The following ATP10A variants were observed in gnomAD, a reference collection of about 807,000 sequenced individuals.
ATP10A encodes the protein ATPase phospholipid transporting 10A (putative), also known as phospholipid-transporting ATPase VA.
ATP10A carries 111 observed loss-of-function variants against 147.8 expected under a neutral mutation model. The ratio of observed to expected loss-of-function variants is 0.75; its 90% CI spans 0.64 to 0.88. The LOEUF is 0.88. ATP10A is among the 40% of genes least tolerant of loss of function. The probability of loss-of-function intolerance (pLI) is 0.00; values close to 1 mark genes in which losing one functional copy is unlikely to be tolerated. For synonymous variants in ATP10A, 875 were observed against 841.6 expected, an observed-to-expected ratio of 1.04 and a Z score of -0.69; for missense variants, 1,927 against 1,959.0, an observed-to-expected ratio of 0.98 and a Z score of 0.31.
In ATP10A at chr15:25,753,265, C is replaced by T. The variant is rs1888246756; in HGVS notation, c.655-17124G>A. Among the ~76,000 whole-genome samples the T allele has an allele frequency of 2.0e-5, 3 of 152,276 alleles. No individual in the cohort carries two copies. The South Asian group carries it at 6.2e-4, about 32-fold the overall frequency. ...CTTCCTATCTCCCCCATCCCCCAGC[C>T]TCTGTAACCACAGTTCACTCTCAGC... On this transcript the variant is annotated intron_variant, in intron 2 of 20. Coordinates refer to ENST00000555815, the MANE Select transcript of ATP10A (RefSeq NM_024490.4).
At chr15:25,842,672 T>G (rs1410639291) in intron 1 of ATP10A, among the ~76,000 whole-genome samples, 1 of 152,168 alleles carries the variant, frequency 6.6e-6, no homozygotes, top group African/African-American at 2.4e-5. Context: ...GTCATAAACA[T>G]TATCTCTGAT....
intron 1 of ATP10A, among the ~76,000 whole-genome samples, chr15:25,798,559 T>C (rs1167166885): frequency 6.6e-6 from 1 of 152,192 alleles, no homozygotes; most frequent in African/African-American, 2.4e-5. Context: ...CCTGGGGGCT[T>C]AGACAGCCTA....
Position 25,862,928 on chromosome 15 carries a change from G to A in ATP10A, c.169C>T (p.Gln57Ter). The change falls in exon 1 of 21, where the codon CAG (glutamine) becomes TAG (stop). Residue 57 changes from glutamine (Q) to a stop codon, truncating the protein, a stop_gained. Coordinates refer to ENST00000555815, the MANE Select transcript of ATP10A (RefSeq NM_024490.4). LOFTEE classifies it high-confidence loss of function. ...TTGAGCCGGTTGTCGGCCAGGTGCT[G>A]GGCACACCCGCGCCGCCGTCGCCGC... ...GERRRRRGCA[Q>*]HLADNRLKTT... 1 of 1,590,826 alleles carries A rather than the reference G, an allele frequency of 6.3e-7. No individual in the cohort carries two copies. Among genetic ancestry groups the A allele is most frequent in the Non-Finnish European group, 8.5e-7 (1 of 1,171,372 alleles).
intron 1 of ATP10A, among the ~76,000 whole-genome samples, chr15:25,850,828 CTGT>C (rs1222189128): frequency 6.6e-6 from 1 of 152,180 alleles, no homozygotes; most frequent in Non-Finnish European, 1.5e-5. Context: ...ACTTTTTAAA[CTGT>C]TATTAGAAGT....
chr15:25,800,268 C>T (rs771774761), intron 1 of ATP10A, among the ~76,000 whole-genome samples: 4 of 152,178 alleles, frequency 2.6e-5, no homozygotes, highest in Non-Finnish European at 4.4e-5. Flanking sequence ...TGCAGGTTCC[C>T]GTAGGGCTTC....
At chr15:25,698,857 G>C (rs1900502168) in intron 13 of ATP10A, among the ~76,000 whole-genome samples, 1 of 152,064 alleles carries the variant, frequency 6.6e-6, no homozygotes, top group Admixed American at 6.5e-5. Context: ...CATAAGTTGA[G>C]GAGCATCAGT....
At chr15:25,759,580 C>T (rs1012464413) in intron 2 of ATP10A, among the ~76,000 whole-genome samples, 2 of 151,928 alleles carry the variant, frequency 1.3e-5, no homozygotes, top group African/African-American at 2.4e-5. Flanking sequence ...CCAAGGTGGG[C>T]GGATTGCTTG....
rs1266884386 is a variant in ATP10A at position 25,810,036 on chromosome 15, C to T, written c.450-28813G>A. Among the ~76,000 whole-genome samples the T allele has an allele frequency of 2.0e-5, 3 of 151,110 alleles. 1 individual carries two copies. The highest frequency in any genetic ancestry group is 6.9e-3 in the Middle Eastern group (2 of 290). On this transcript the variant is annotated intron_variant, in intron 1 of 20. Transcript: ENST00000555815. ...TACAAAAAAAAAAAAAATGACGGAACGTCCATAGTGGAACCTAGTCTTACA... is the reference window on the plus strand; with the variant it reads ...TACAAAAAAAAAAAAAATGACGGAATGTCCATAGTGGAACCTAGTCTTACA...
intron 3 of ATP10A, among the ~76,000 whole-genome samples, chr15:25,734,987 G>T (rs1353410977): frequency 7.1e-6 from 1 of 141,026 alleles, no homozygotes; most frequent in Non-Finnish European, 1.6e-5. Context: ...GCCTCCGTAT[G>T]TCTGCGTGGT....
At position 25,736,132 on chromosome 15, in the gene ATP10A, AT is replaced by A. The variant is rs1418864155; in HGVS notation, c.663del (p.Glu221AspfsTer5). On this transcript the variant is annotated frameshift_variant, in exon 3 of 21. Coordinates refer to ENST00000555815, the MANE Select transcript of ATP10A (RefSeq NM_024490.4). LOFTEE classifies it high-confidence loss of function. ...VVRGFSELVS[E>X]FNPLTFTSVI... ...ACGCTGGTGAACGTCAAAGGATTGA[AT>A]TCGGAGACCTAAAATAACAGCACGT... 2 of 1,612,858 alleles carry A rather than the reference AT, an allele frequency of 1.2e-6. No individual in the cohort carries two copies. The highest frequency in any genetic ancestry group is 3.3e-5 in the Admixed American group (2 of 60,020).
At chr15:25,751,875 AAG>A (rs1888171478) in intron 2 of ATP10A, among the ~76,000 whole-genome samples, 2 of 152,184 alleles carry the variant, frequency 1.3e-5, no homozygotes, top group South Asian at 4.1e-4. Context: ...CATTGCTTAG[AAG>A]AAGACATACA....
At chr15:25,780,881 C>T (rs1889886080) in intron 2 of ATP10A, 138 bp downstream of exon 2, 2 of 904,158 alleles carry the variant, frequency 2.2e-6, no homozygotes, top group East Asian at 2.5e-5. Flanking sequence ...TCCTCTCAGA[C>T]CCTCAGACTC....
intron 2 of ATP10A, among the ~76,000 whole-genome samples, chr15:25,766,016 AT>A (rs1240929910): frequency 6.6e-6 from 1 of 152,242 alleles, no homozygotes; most frequent in African/African-American, 2.4e-5. Flanking sequence ...AAGAGATTTA[AT>A]TGGACTTACA....
At chr15:25,751,885 A>G (rs1314669986) in intron 2 of ATP10A, among the ~76,000 whole-genome samples, 1 of 152,178 alleles carries the variant, frequency 6.6e-6, no homozygotes, top group Non-Finnish European at 1.5e-5. Flanking sequence ...AAGAAGACAT[A>G]CAAATGGCCA....
At chr15:25,858,489 G>C (rs888815730) in intron 1 of ATP10A, among the ~76,000 whole-genome samples, 1 of 152,148 alleles carries the variant, frequency 6.6e-6, no homozygotes, top group African/African-American at 2.4e-5. Context: ...TGGCAGAAAA[G>C]AAAACAAAAG....
chr15:25,824,559 GTTT>G lies in ATP10A; in HGVS notation c.449+38086_449+38088del, dbSNP rs61050447. ...TTTAACATTCTCACTTTTTGTGTGT[GTTT>G]TTTTTTTTTTTTGCATTTTAACGAA... On this transcript the variant is annotated intron_variant, in intron 1 of 20. Coordinates refer to ENST00000555815, the MANE Select transcript of ATP10A (RefSeq NM_024490.4). Among the ~76,000 whole-genome samples, 1,167 of 120,112 alleles carry G rather than the reference GTTT, an allele frequency of 9.7e-3. 9 individuals are homozygous for G. Among genetic ancestry groups the G allele is most frequent in the Non-Finnish European group, 0.012 (725 of 59,638 alleles). The allele number at this position is 120,112 out of a possible 152,430, so 78.8% of individuals were successfully genotyped here.
At chr15:25,811,852 G>C (rs1203543441) in intron 1 of ATP10A, among the ~76,000 whole-genome samples, 3 of 152,176 alleles carry the variant, frequency 2.0e-5, no homozygotes, top group African/African-American at 7.2e-5. Context: ...CAAGCTGGCT[G>C]CACCTGCATG....
At position 25,718,366 on chromosome 15, in the gene ATP10A, G is replaced by T. The variant is rs1901968674; in HGVS notation, c.1397C>A (p.Ser466Ter). The T allele has an allele frequency of 6.2e-6, 10 of 1,607,292 alleles. No individual in the cohort carries two copies. The highest frequency in any genetic ancestry group is 8.5e-6 in the Non-Finnish European group (10 of 1,178,668). Reference protein sequence around the residue: ...QRLARYQEADSEEEEVVPRGG... With the variant: ...QRLARYQEAD ...TCTGGGCACCACCTCCTCCTCCTCCGAGTCTGCCTCTTGGTACCTGGCCAG... is the reference window on the plus strand; with the variant it reads ...TCTGGGCACCACCTCCTCCTCCTCCTAGTCTGCCTCTTGGTACCTGGCCAG... The change falls in exon 8 of 21, where the codon TCG becomes TAG. Residue 466 changes from serine (S) to a stop codon, truncating the protein, a stop_gained. Coordinates refer to ENST00000555815, the MANE Select transcript of ATP10A (RefSeq NM_024490.4). LOFTEE classifies it high-confidence loss of function.
intron 12 of ATP10A, among the ~76,000 whole-genome samples, chr15:25,707,771 G>C (rs972431779): frequency 5.9e-5 from 9 of 152,140 alleles, no homozygotes; most frequent in African/African-American, 2.2e-4. Flanking sequence ...GGTGCCTGGG[G>C]GGCAGCACGT....
Sources: allele counts gnomAD v4.1 joint callset (sites outside exome capture counted in the v4.1 genomes callset), GRCh38; gene constraint gnomAD v4.1.1; transcripts MANE v1.5; gene names NCBI Gene and HGNC (gene_info 2026-07-23, HGNC 2026-07-21).